Variants in STEAP1B observed in about 807,000 individuals in gnomAD.
STEAP1B encodes the protein STEAP family member 1B, also known as STEAP family protein MGC87042.
A neutral mutation model predicts 27.9 loss-of-function variants in STEAP1B; 13 were observed. The observed-to-expected ratio is 0.47, with a 90% CI of 0.30 to 0.74. The LOEUF (loss-of-function observed/expected upper bound fraction) is 0.74. STEAP1B is among the 30% of genes least tolerant of loss of function. The pLI, the probability that STEAP1B is intolerant of heterozygous loss-of-function variation, is 0.06. For synonymous variants in STEAP1B, 86 were observed against 107.1 expected (o/e 0.80, Z 1.22); for missense variants, 250 against 298.7 (o/e 0.84, Z 1.20).
At chr7:22,440,920 G>A (rs1315719099) in intron 4 of STEAP1B, among the ~76,000 whole-genome samples, 2 of 150,420 alleles carry the variant, frequency 1.3e-5, no homozygotes, top group Non-Finnish European at 3.0e-5. Context: ...TTTAAAAATT[G>A]TGCTTTAATA....
intron 4 of STEAP1B, among the ~76,000 whole-genome samples, chr7:22,479,833 C>T (rs1480877782): frequency 8.0e-6 from 1 of 124,890 alleles, no homozygotes; most frequent in Non-Finnish European, 1.8e-5. Context: ...TACAGGCACA[C>T]ACCGGCGACG....
At chr7:22,454,416 T>C (rs1785539068) in intron 4 of STEAP1B, among the ~76,000 whole-genome samples, 1 of 152,124 alleles carries the variant, frequency 6.6e-6, no homozygotes. Flanking sequence ...CTCTGGAAGT[T>C]TCTGGAAATT....
intron 4 of STEAP1B, among the ~76,000 whole-genome samples, chr7:22,463,115 T>C (rs1785709413): frequency 6.6e-6 from 1 of 152,088 alleles, no homozygotes; most frequent in Non-Finnish European, 1.5e-5. Context: ...AGTCTCAGGA[T>C]ACAAAATCAA....
chr7:22,431,401 A>T (rs1415533610), intron 4 of STEAP1B, among the ~76,000 whole-genome samples: 1 of 152,152 alleles, frequency 6.6e-6, no homozygotes, highest in Non-Finnish European at 1.5e-5. Flanking sequence ...TTTTTTCCAA[A>T]AGTCTCTGGA....
intron 4 of STEAP1B, among the ~76,000 whole-genome samples, chr7:22,457,817 AC>A (rs1334933752): frequency 2.6e-5 from 4 of 152,228 alleles, no homozygotes; most frequent in African/African-American, 9.7e-5. Flanking sequence ...CAAGGTCCTC[AC>A]CTGCCCACAT....
At position 22,479,516 on chromosome 7, in the gene STEAP1B, C is replaced by T. The variant is rs7787266; in HGVS notation, c.762+13049G>A. ...ACCTCCCATGGAGCAGGCAAGTAGG[C>T]GAAACAACTTGCTGGCTGGCCAATC... On this transcript the variant is annotated intron_variant, in intron 4 of 4. Coordinates refer to ENST00000678116, the MANE Select transcript of STEAP1B (RefSeq NM_001382447.1). Among the ~76,000 whole-genome samples, 16 of 151,868 alleles carry T rather than the reference C, an allele frequency of 1.1e-4. No individual in the cohort carries two copies. In the East Asian group the frequency reaches 3.1e-3, roughly 29 times the overall value.
Position 22,419,944 on chromosome 7 carries a change from C to T in STEAP1B, c.763-108G>A, listed in dbSNP as rs75256424. 9,005 of 1,317,588 alleles carry T rather than the reference C, an allele frequency of 6.8e-3. 507 individuals are homozygous for T. In the African/African-American group the frequency reaches 0.12, roughly 17 times the overall value. The allele number at this position is 1,317,588 out of a possible 1,614,324, so 81.6% of individuals were successfully genotyped here. Reference sequence around the variant, plus strand: ...AAACATGAGAAATTGCAAGTATACACGCTTTTCTAAAGTCACCAGGGAGTC... The same window carrying T: ...AAACATGAGAAATTGCAAGTATACATGCTTTTCTAAAGTCACCAGGGAGTC... On this transcript the variant is annotated intron_variant, in intron 4 of 4. Transcript: ENST00000678116.
At chr7:22,469,764 T>C (rs997010554) in intron 4 of STEAP1B, among the ~76,000 whole-genome samples, 3 of 152,188 alleles carry the variant, frequency 2.0e-5, no homozygotes, top group Admixed American at 2.0e-4. Flanking sequence ...GTTTACACAA[T>C]GAAAAACATC....
chr7:22,492,517 A>G (rs770616198), intron 4 of STEAP1B, 48 bp downstream of exon 4: 4 of 1,518,184 alleles, frequency 2.6e-6, no homozygotes, highest in Non-Finnish European at 3.5e-6. Context: ...TATATCATAA[A>G]CACAAAAAGA....
intron 3 of STEAP1B, 112 bp from the exon 4 acceptor site, chr7:22,492,841 T>C: frequency 1.4e-6 from 2 of 1,414,296 alleles, no homozygotes; most frequent in Non-Finnish European, 9.2e-7. Context: ...ATAACAGGTC[T>C]CCACAAATTT....
At chr7:22,472,358 T>C (rs1785899827) in intron 4 of STEAP1B, among the ~76,000 whole-genome samples, 1 of 152,102 alleles carries the variant, frequency 6.6e-6, no homozygotes, top group African/African-American at 2.4e-5. Context: ...CACAGAAGGG[T>C]GAAGGCAGGC....
At chr7:22,496,046 A>G (rs1325113853) in intron 1 of STEAP1B, among the ~76,000 whole-genome samples, 1 of 152,200 alleles carries the variant, frequency 6.6e-6, no homozygotes, top group African/African-American at 2.4e-5. Context: ...TGGCAGCTCC[A>G]TGCCTGTTAC....
intron 4 of STEAP1B, among the ~76,000 whole-genome samples, chr7:22,475,629 A>T (rs888556427): frequency 2.6e-5 from 4 of 152,194 alleles, no homozygotes; most frequent in South Asian, 4.1e-4. Flanking sequence ...CTGCATGGTA[A>T]ACACACCTGA....
At chr7:22,427,173 G>A (rs975623056) in intron 4 of STEAP1B, among the ~76,000 whole-genome samples, 2 of 152,204 alleles carry the variant, frequency 1.3e-5, no homozygotes, top group Admixed American at 6.5e-5. Flanking sequence ...CTAAGGAGAC[G>A]AAAAGACCTT....
intron 4 of STEAP1B, among the ~76,000 whole-genome samples, chr7:22,485,374 A>C (rs765568505): frequency 1.3e-5 from 2 of 152,284 alleles, no homozygotes; most frequent in Non-Finnish European, 2.9e-5. Context: ...TGACTCACTG[A>C]AAGCTCAGAT....
intron 4 of STEAP1B, among the ~76,000 whole-genome samples, chr7:22,471,041 A>G (rs2128410808): frequency 6.7e-6 from 1 of 150,074 alleles, no homozygotes; most frequent in Non-Finnish European, 1.5e-5. Context: ...CTTTAAATTG[A>G]GTAAGGAAAC....
intron 4 of STEAP1B, among the ~76,000 whole-genome samples, chr7:22,478,906 G>A (rs973579876): frequency 2.0e-5 from 3 of 152,134 alleles, no homozygotes; most frequent in Non-Finnish European, 4.4e-5. Flanking sequence ...AGCTCACTGA[G>A]GGGAACCGTG....
At chr7:22,456,927 T>C (rs1404947928) in intron 4 of STEAP1B, among the ~76,000 whole-genome samples, 1 of 136,208 alleles carries the variant, frequency 7.3e-6, no homozygotes, top group African/African-American at 2.8e-5. Context: ...GACCACCTGA[T>C]TCAGAATGGG....
intron 4 of STEAP1B, among the ~76,000 whole-genome samples, chr7:22,472,824 G>C (rs536853946): frequency 8.5e-5 from 13 of 152,272 alleles, no homozygotes; most frequent in African/African-American, 2.6e-4. Context: ...CAGGAGAATG[G>C]AAAGAGTCAT....
Sources: gnomAD v4.1 joint callset for allele counts (sites outside exome capture counted in the v4.1 genomes callset) on GRCh38, gnomAD v4.1.1 for gene constraint, MANE v1.5 for transcripts, NCBI Gene and HGNC (gene_info 2026-07-23, HGNC 2026-07-21) for gene names.